Variants in PAK6 observed in about 807,000 individuals in gnomAD.
PAK6 encodes p21 (RAC1) activated kinase 6.
PAK6 carries 33 observed loss-of-function variants against 60.8 expected under a neutral mutation model. The observed-to-expected ratio is 0.54, with a 90% CI of 0.41 to 0.73. PAK6 has a LOEUF of 0.73. Among genes scored for constraint, PAK6 ranks in the 30% least tolerant of loss-of-function variants. The pLI is 0.00. For synonymous variants in PAK6, 404 were observed against 378.5 expected, an observed-to-expected ratio of 1.07 and a Z score of -0.78; for missense variants, 845 against 904.1, an observed-to-expected ratio of 0.93 and a Z score of 0.84.
In PAK6 at chr15:40,274,124, G is replaced by A. The variant is rs773243109; in HGVS notation, c.1744-18G>A. 3.1e-6 allele frequency: 5 copies of A among 1,613,690 alleles called. No individual in the cohort carries two copies. The African/African-American group carries it at 6.7e-5, about 22-fold the overall frequency. ...GCCAGGGTCTGGCCATGGGGTCAGG[G>A]ACATTTTCCTCCTGCAGGTGGATAT... On this transcript the variant is annotated intron_variant, in intron 9 of 10. Coordinates refer to ENST00000560346, the Ensembl canonical transcript of PAK6.
At chr15:40,252,761 C>T (rs1485836116) in intron 2 of PAK6, 2 of 1,301,742 alleles carry the variant, frequency 1.5e-6, no homozygotes, top group South Asian at 2.5e-5. Flanking sequence ...AGCCCCCTTC[C>T]TGGGTGCCCA....
At chr15:40,264,686 G>C (rs1468164556) in intron 3 of PAK6, 95 bp from the exon 4 acceptor site, 13 of 991,284 alleles carry the variant, frequency 1.3e-5, no homozygotes, top group Non-Finnish European at 1.9e-5. Flanking sequence ...AGCTGTGCTG[G>C]GGGAGGGGAG....
intron 5 of PAK6, among the ~76,000 whole-genome samples, chr15:40,269,393 C>A (rs2039239098): frequency 6.6e-6 from 1 of 152,224 alleles, no homozygotes. Context: ...GCCCCCTAAG[C>A]CCACAGCTGG....
chr15:40,266,452 C>T, exon 5 of PAK6: 1 of 1,612,036 alleles, frequency 6.2e-7, no homozygotes, highest in South Asian at 1.1e-5. Flanking sequence ...GCTGCCACAG[C>T]CCCTCCAAGC....
chr15:40,261,543 T>A (rs72731476), intron 3 of PAK6, among the ~76,000 whole-genome samples: 1,685 of 150,592 alleles, frequency 0.011, 18 homozygotes, highest in Middle Eastern at 0.021. Flanking sequence ...TCTCAAAAAA[T>A]ATATATATAT....
chr15:40,242,844 C>T (rs775359318), intron 2 of PAK6, among the ~76,000 whole-genome samples: 1 of 152,150 alleles, frequency 6.6e-6, no homozygotes, highest in African/African-American at 2.4e-5. Flanking sequence ...CTTGTTCTGG[C>T]GCACAGGCTG....
At chr15:40,256,751 G>A (rs192607277) in intron 3 of PAK6, 8 of 152,300 alleles carry the variant, frequency 5.3e-5, no homozygotes, top group African/African-American at 1.9e-4. Context: ...GCATAATGGA[G>A]ACAGTACTAG....
At chr15:40,240,619 A>T (rs1367144177) in exon 2 of PAK6, 3 of 426,976 alleles carry the variant, frequency 7.0e-6, no homozygotes, top group Non-Finnish European at 1.4e-5. Flanking sequence ...TTCCTGGGCT[A>T]GAGACAAGCA....
At chr15:40,264,677 G>A (rs1030614538) in intron 3 of PAK6, 104 bp from the exon 4 acceptor site, 9 of 898,516 alleles carry the variant, frequency 1.0e-5, no homozygotes, top group Admixed American at 4.1e-5. Context: ...TTCTAGGGGA[G>A]CTGTGCTGGG....
chr15:40,265,274 T>C (rs1323669098), intron 4 of PAK6, among the ~76,000 whole-genome samples: 1 of 152,212 alleles, frequency 6.6e-6, no homozygotes, highest in East Asian at 1.9e-4. Context: ...CGAATAGTCT[T>C]TTAGGACGTG....
intron 3 of PAK6, among the ~76,000 whole-genome samples, chr15:40,261,149 A>G (rs944053570): frequency 1.3e-5 from 2 of 151,634 alleles, no homozygotes; most frequent in Admixed American, 1.3e-4. Flanking sequence ...CGGCCTCCCA[A>G]AGTGCTGGGA....
chr15:40,248,068 C>T (rs1337656752), intron 2 of PAK6, among the ~76,000 whole-genome samples: 2 of 152,192 alleles, frequency 1.3e-5, no homozygotes, highest in Non-Finnish European at 2.9e-5. Flanking sequence ...CTTTCCATTA[C>T]ATGCATCAGG....
At chr15:40,275,819 T>TA (rs1162688773) in intron 10 of PAK6, 108 bp from the exon 11 acceptor site, 33 of 1,104,786 alleles carry the variant, frequency 3.0e-5, no homozygotes, top group Non-Finnish European at 3.9e-5. Flanking sequence ...AACAGGAAGT[T>TA]AAAAAACCAG....
intron 10 of PAK6, 46 bp from the exon 11 acceptor site, chr15:40,275,881 A>G: frequency 1.9e-6 from 3 of 1,563,930 alleles, no homozygotes; most frequent in Non-Finnish European, 2.6e-6. Context: ...GGTCACCCCG[A>G]AGTGACTGCA....
intron 2 of PAK6, among the ~76,000 whole-genome samples, chr15:40,243,704 T>A (rs74010788): frequency 0.016 from 2,459 of 152,292 alleles, 56 homozygotes; most frequent in African/African-American, 0.052. Context: ...GAAACAATAA[T>A]GCCAGGTCTA....
Position 40,268,608 on chromosome 15 carries a change from G to A in PAK6, c.858+2113G>A, listed in dbSNP as rs552374406. On this transcript the variant is annotated intron_variant, in intron 5 of 10. Transcript: ENST00000560346. ...CCATAACAGCAGTTAGGCCACAGAG[G>A]CCATGCAGTGTGCCAGGCATGGCTG... 2.4e-4 allele frequency among the ~76,000 whole-genome samples: 36 copies of A among 152,320 alleles called. No homozygotes were observed. In the South Asian group the frequency reaches 7.5e-3, roughly 32 times the overall value.
chr15:40,265,044 T>C, intron 4 of PAK6, 55 bp downstream of exon 4: 1 of 1,533,154 alleles, frequency 6.5e-7, no homozygotes, highest in South Asian at 1.2e-5. Flanking sequence ...CAGACAACCA[T>C]GCCTGGCTAA....
At chr15:40,267,485 G>A (rs989377986) in intron 5 of PAK6, among the ~76,000 whole-genome samples, 12 of 152,214 alleles carry the variant, frequency 7.9e-5, no homozygotes, top group Admixed American at 5.2e-4. Flanking sequence ...GTGAAACCCC[G>A]TCTCTACTAA....
intron 5 of PAK6, 126 bp downstream of exon 5, chr15:40,266,621 G>T (rs2039146162): frequency 1.1e-6 from 1 of 916,350 alleles, no homozygotes; most frequent in East Asian, 2.8e-5. Context: ...TAAGGCGGCA[G>T]AAATGTGCAC....
Sources: allele counts gnomAD v4.1 joint callset (sites outside exome capture counted in the v4.1 genomes callset), GRCh38; gene constraint gnomAD v4.1.1; transcripts MANE v1.5; gene names NCBI Gene and HGNC (gene_info 2026-07-23, HGNC 2026-07-21).